The following UBE2K variants were observed in gnomAD, a reference collection of about 807,000 sequenced individuals.
UBE2K encodes ubiquitin-conjugating enzyme E2 K.
In UBE2K, 6 loss-of-function variants were observed where a neutral mutation model predicts 30.0. The ratio of observed to expected loss-of-function variants is 0.20; its 90% CI spans 0.11 to 0.39. The LOEUF is 0.39. Among genes scored for constraint, UBE2K ranks in the 10% least tolerant of loss-of-function variants. UBE2K has a pLI of 1.00. For synonymous variants in UBE2K, 86 were observed against 83.7 expected (o/e 1.03, Z -0.15); for missense variants, 61 against 241.6 (o/e 0.25, Z 4.96).
chr4:39,716,101 C>T (rs1320199807), intron 1 of UBE2K, among the ~76,000 whole-genome samples: 1 of 152,180 alleles, frequency 6.6e-6, no homozygotes, highest in Non-Finnish European at 1.5e-5. Context: ...TTCTGATTTT[C>T]CTCTAACCTC....
intron 4 of UBE2K, among the ~76,000 whole-genome samples, chr4:39,756,429 C>T (rs1355657846): frequency 6.6e-6 from 1 of 152,118 alleles, no homozygotes; most frequent in Non-Finnish European, 1.5e-5. Flanking sequence ...TATGTAATTC[C>T]CTTAGAATAG....
At chr4:39,705,980 A>G (rs1486421070) in intron 1 of UBE2K, among the ~76,000 whole-genome samples, 5 of 147,412 alleles carry the variant, frequency 3.4e-5, no homozygotes, top group Non-Finnish European at 7.5e-5. Flanking sequence ...AATGGCTGGG[A>G]TCCCGGGATT....
At chr4:39,702,723 T>C (rs1225606088) in intron 1 of UBE2K, among the ~76,000 whole-genome samples, 1 of 152,234 alleles carries the variant, frequency 6.6e-6, no homozygotes, top group Non-Finnish European at 1.5e-5. Context: ...TAGATTATTC[T>C]GTAATAGAAG....
In UBE2K at chr4:39,709,987, T is replaced by TAAAATAGG. The variant is rs1324194170; in HGVS notation, c.63+11597_63+11598insAAAATAGG. ...TTTGGGAGCCAGAAAATAGGCAGTCTCATTCATCTGACATCCATTTTATTC... is the reference window on the plus strand; with the variant it reads ...TTTGGGAGCCAGAAAATAGGCAGTCTAAAATAGGCATTCATCTGACATCCATTTTATTC... On this transcript the variant is annotated intron_variant, in intron 1 of 6. Coordinates refer to ENST00000261427, the MANE Select transcript of UBE2K (RefSeq NM_005339.5). 3.9e-3 allele frequency: 598 copies of TAAAATAGG among 152,188 alleles called. 5 individuals are homozygous for TAAAATAGG. Among genetic ancestry groups the TAAAATAGG allele is most frequent in the African/African-American group, 0.014 (569 of 41,562 alleles). The allele number at this position is 152,188 out of a possible 1,614,324, so 9.4% of individuals were successfully genotyped here. A position where few individuals can be genotyped will look rare whatever the true frequency, so the allele number is the denominator to read the frequency against.
chr4:39,712,910 G>T (rs34462851), intron 1 of UBE2K, among the ~76,000 whole-genome samples: 3 of 149,364 alleles, frequency 2.0e-5, no homozygotes, highest in Non-Finnish European at 3.0e-5. Context: ...TTGTCGCCCA[G>T]ACTGGAGTGC....
chr4:39,774,833 G>T lies in UBE2K; in HGVS notation c.300-1G>T. On this transcript the variant is annotated splice_acceptor_variant, in intron 4 of 6. Transcript: ENST00000261427. LOFTEE classifies it high-confidence loss of function. Reference sequence around the variant, plus strand: ...GGATATTTTCATGTTTTGCATTTTAGGGCAGCTGCAATGACTCTCCGCACG... The same window carrying T: ...GGATATTTTCATGTTTTGCATTTTATGGCAGCTGCAATGACTCTCCGCACG... 2 of 1,480,280 alleles carry T rather than the reference G, an allele frequency of 1.4e-6. No homozygotes were observed. Among genetic ancestry groups the T allele is most frequent in the Non-Finnish European group, 1.8e-6 (2 of 1,101,004 alleles). The allele number at this position is 1,480,280 out of a possible 1,614,324, so 91.7% of individuals were successfully genotyped here. A position where few individuals can be genotyped will look rare whatever the true frequency, so the allele number is the denominator to read the frequency against.
chr4:39,717,594 G>A (rs1043743585), intron 1 of UBE2K, among the ~76,000 whole-genome samples: 1 of 152,294 alleles, frequency 6.6e-6, no homozygotes, highest in South Asian at 2.1e-4. Context: ...AAAATACAAT[G>A]TTACATCATT....
chr4:39,720,412 G>A (rs1467191898), intron 1 of UBE2K, among the ~76,000 whole-genome samples: 1 of 151,476 alleles, frequency 6.6e-6, no homozygotes, highest in Non-Finnish European at 1.5e-5. Flanking sequence ...ATTCTTTAGT[G>A]TAACTTTACA....
chr4:39,748,470 C>T (rs1449631529), intron 3 of UBE2K, among the ~76,000 whole-genome samples: 2 of 152,134 alleles, frequency 1.3e-5, no homozygotes, highest in African/African-American at 2.4e-5. Context: ...GCTACTACCT[C>T]ATCTTGCTAT....
intron 1 of UBE2K, among the ~76,000 whole-genome samples, chr4:39,701,291 G>T (rs1233114203): frequency 6.6e-6 from 1 of 152,048 alleles, no homozygotes; most frequent in Non-Finnish European, 1.5e-5. Context: ...TTATGAGTAG[G>T]ATTACATAAG....
At chr4:39,773,787 G>A (rs1228565448) in intron 4 of UBE2K, among the ~76,000 whole-genome samples, 3 of 152,078 alleles carry the variant, frequency 2.0e-5, no homozygotes, top group Admixed American at 6.5e-5. Flanking sequence ...CGGGCGTGGT[G>A]GCGGGCGCCT....
intron 3 of UBE2K, among the ~76,000 whole-genome samples, chr4:39,754,358 C>G (rs1721420618): frequency 6.6e-6 from 1 of 152,112 alleles, no homozygotes; most frequent in African/African-American, 2.4e-5. Context: ...ATTTTAAAGT[C>G]ATTGGCGAAT....
At chr4:39,753,556 A>C (rs1302297699) in intron 3 of UBE2K, among the ~76,000 whole-genome samples, 1 of 152,210 alleles carries the variant, frequency 6.6e-6, no homozygotes, top group African/African-American at 2.4e-5. Flanking sequence ...CGGACAAACA[A>C]GGCAGAAATC....
intron 1 of UBE2K, among the ~76,000 whole-genome samples, chr4:39,728,089 G>GC (rs1458411807): frequency 6.6e-6 from 1 of 151,850 alleles, no homozygotes; most frequent in African/African-American, 2.4e-5. Flanking sequence ...AGCCGAGATT[G>GC]CCCCACTGCA....
Position 39,779,520 on chromosome 4 carries a change from A to G in UBE2K, c.*1086A>G, listed in dbSNP as rs549782889. ...TTTATTGTACATACTTCAGATGCAC[A>G]TAGGAATAGAAGTGTGTTATAAATC... On this transcript the variant is annotated 3_prime_UTR_variant, in exon 7 of 7. Transcript: ENST00000261427. 9 of 152,772 alleles carry G rather than the reference A, an allele frequency of 5.9e-5. No individual in the cohort carries two copies. The South Asian group carries it at 1.2e-3, about 21-fold the overall frequency. The allele number at this position is 152,772 out of a possible 1,614,324, so 9.5% of individuals were successfully genotyped here.
In UBE2K at chr4:39,770,071, G is replaced by T. The variant is rs371589362; in HGVS notation, c.300-4763G>T. ...GGGACCCCAGCCTCCGGGCCTCCAC[G>T]CCTGCGCGGCTAGCGGATGAGGACA... On this transcript the variant is annotated intron_variant, in intron 4 of 6. Coordinates refer to ENST00000261427, the MANE Select transcript of UBE2K (RefSeq NM_005339.5). The T allele has an allele frequency of 2.6e-4, 404 of 1,533,442 alleles. 1 individual carries two copies. In the African/African-American group the frequency reaches 5.1e-3, roughly 19 times the overall value. The allele number at this position is 1,533,442 out of a possible 1,614,324, so 95.0% of individuals were successfully genotyped here.
At chr4:39,720,555 CT>C (rs1413871214) in intron 1 of UBE2K, among the ~76,000 whole-genome samples, 1 of 152,072 alleles carries the variant, frequency 6.6e-6, no homozygotes, top group Non-Finnish European at 1.5e-5. Flanking sequence ...TGTTTGTTGA[CT>C]TTAAGTAAGG....
chr4:39,754,344 C>T (rs1454228896), intron 3 of UBE2K, among the ~76,000 whole-genome samples: 3 of 152,070 alleles, frequency 2.0e-5, no homozygotes, highest in African/African-American at 4.8e-5. Context: ...ATCTTATTTT[C>T]GGTATTTTAA....
intron 4 of UBE2K, among the ~76,000 whole-genome samples, chr4:39,761,551 G>A (rs547579742): frequency 3.9e-5 from 6 of 151,978 alleles, no homozygotes; most frequent in Non-Finnish European, 5.9e-5. Flanking sequence ...TTTATTTACC[G>A]GACATAGATT....
Sources: allele counts gnomAD v4.1 joint callset (sites outside exome capture counted in the v4.1 genomes callset), GRCh38; gene constraint gnomAD v4.1.1; transcripts MANE v1.5; gene names NCBI Gene and HGNC (gene_info 2026-07-23, HGNC 2026-07-21).